The following LRRTM4 variants were observed in gnomAD, a reference collection of about 807,000 sequenced individuals.
LRRTM4 encodes the protein leucine rich repeat transmembrane neuronal 4.
LRRTM4 carries 25 observed loss-of-function variants against 47.6 expected under a neutral mutation model. That is an observed-to-expected ratio of 0.53 (90% CI 0.38 to 0.73). The LOEUF (loss-of-function observed/expected upper bound fraction) is 0.73. Among genes scored for constraint, LRRTM4 ranks in the 30% least tolerant of loss-of-function variants. The pLI, the probability that LRRTM4 is intolerant of heterozygous loss-of-function variation, is 0.00. For missense variants in LRRTM4, 638 were observed against 713.4 expected, an observed-to-expected ratio of 0.89 and a Z score of 1.20; for synonymous variants, 311 against 269.5, an observed-to-expected ratio of 1.15 and a Z score of -1.51.
intron 3 of LRRTM4, among the ~76,000 whole-genome samples, chr2:76,751,629 T>C (rs1434822572): frequency 2.6e-5 from 4 of 152,140 alleles, no homozygotes; most frequent in African/African-American, 4.8e-5. Flanking sequence ...TATTATATCT[T>C]ATTCAATGAG....
At chr2:77,124,189 C>T (rs941134385) in intron 3 of LRRTM4, among the ~76,000 whole-genome samples, 7 of 152,018 alleles carry the variant, frequency 4.6e-5, no homozygotes, top group African/African-American at 1.4e-4. Flanking sequence ...AGTCCTATAT[C>T]TGGAGCAACT....
intron 3 of LRRTM4, among the ~76,000 whole-genome samples, chr2:77,302,389 A>G (rs941885285): frequency 6.6e-6 from 1 of 152,198 alleles, no homozygotes; most frequent in African/African-American, 2.4e-5. Flanking sequence ...CTTATTTTTA[A>G]TCACTGAACA....
At position 77,098,001 on chromosome 2, in the gene LRRTM4, A is replaced by G. The variant is rs140528758; in HGVS notation, c.1552-349085T>C. Among the ~76,000 whole-genome samples the G allele has an allele frequency of 1.9e-3, 282 of 152,154 alleles. 2 individuals carry two copies. The highest frequency in any genetic ancestry group is 6.5e-3 in the African/African-American group (272 of 41,572). ...AAGGCGATAAAATTATAGACCCAATAAAGATTTAAAACTTAATTGGGAAAT... is the reference window on the plus strand; with the variant it reads ...AAGGCGATAAAATTATAGACCCAATGAAGATTTAAAACTTAATTGGGAAAT... On this transcript the variant is annotated intron_variant, in intron 3 of 3. Coordinates refer to ENST00000409884, the MANE Select transcript of LRRTM4 (RefSeq NM_001134745.3).
At chr2:77,398,512 G>A (rs906820446) in intron 3 of LRRTM4, among the ~76,000 whole-genome samples, 2 of 151,830 alleles carry the variant, frequency 1.3e-5, no homozygotes, top group African/African-American at 4.8e-5. Flanking sequence ...TCATATGTAG[G>A]TTTAGGTTGA....
chr2:76,909,266 G>C (rs957586977), intron 3 of LRRTM4, among the ~76,000 whole-genome samples: 4 of 152,156 alleles, frequency 2.6e-5, no homozygotes, highest in Non-Finnish European at 5.9e-5. Flanking sequence ...TCTAATAAAT[G>C]GTGCTGGGAA....
chr2:77,100,029 T>A (rs1670911654), intron 3 of LRRTM4, among the ~76,000 whole-genome samples: 1 of 152,146 alleles, frequency 6.6e-6, no homozygotes. Context: ...AGCTACTGAT[T>A]GATTTTTCTC....
chr2:76,838,819 A>C (rs1671590995), intron 3 of LRRTM4, among the ~76,000 whole-genome samples: 2 of 152,136 alleles, frequency 1.3e-5, no homozygotes, highest in Admixed American at 1.3e-4. Context: ...GAGCTAGATA[A>C]AATCCTGAAT....
At position 77,460,716 on chromosome 2, in the gene LRRTM4, T is replaced by C. The variant is rs796886033; in HGVS notation, c.1551+57602A>G. On this transcript the variant is annotated intron_variant, in intron 3 of 3. Coordinates refer to ENST00000409884, the MANE Select transcript of LRRTM4 (RefSeq NM_001134745.3). ...ATATTTTAAGTATTTGAATTGATAG[T>C]CAGATAATTCATTTTGCATGTCTTA... is the stretch of plus-strand genomic sequence containing the variant. 5.3e-5 allele frequency among the ~76,000 whole-genome samples: 8 copies of C among 152,244 alleles called. 1 individual carries two copies. Among genetic ancestry groups the C allele is most frequent in the African/African-American group, 1.9e-4 (8 of 41,546 alleles).
At chr2:77,305,285 T>C (rs1677242167) in intron 3 of LRRTM4, among the ~76,000 whole-genome samples, 1 of 152,080 alleles carries the variant, frequency 6.6e-6, no homozygotes, top group Admixed American at 6.6e-5. Flanking sequence ...ACAAATCCTA[T>C]ACGCTGTAAT....
At chr2:77,417,260 G>A (rs1218243137) in intron 3 of LRRTM4, among the ~76,000 whole-genome samples, 1 of 152,158 alleles carries the variant, frequency 6.6e-6, no homozygotes, top group East Asian at 1.9e-4. Flanking sequence ...TGGAGAGGAT[G>A]TGGAGAAATA....
At chr2:76,965,361 G>A (rs1446909543) in intron 3 of LRRTM4, among the ~76,000 whole-genome samples, 1 of 151,206 alleles carries the variant, frequency 6.6e-6, no homozygotes, top group East Asian at 1.9e-4. Flanking sequence ...CCATCATCAA[G>A]TAGGATTTAT....
intron 3 of LRRTM4, among the ~76,000 whole-genome samples, chr2:77,241,268 A>G (rs920303406): frequency 8.6e-5 from 13 of 151,634 alleles, no homozygotes; most frequent in African/African-American, 3.1e-4. Context: ...ACAAACCTAA[A>G]TATAAATGGT....
At chr2:77,468,235 G>C (rs1488834687) in intron 3 of LRRTM4, among the ~76,000 whole-genome samples, 1 of 151,980 alleles carries the variant, frequency 6.6e-6, no homozygotes, top group Non-Finnish European at 1.5e-5. Context: ...TATATGTTTA[G>C]GTATCACTGA....
chr2:77,390,891 C>T (rs1335898744), intron 3 of LRRTM4, among the ~76,000 whole-genome samples: 1 of 150,746 alleles, frequency 6.6e-6, no homozygotes, highest in Non-Finnish European at 1.5e-5. Flanking sequence ...AAAATGAATG[C>T]AAAGATTGTT....
chr2:77,433,666 T>C (rs1232666513), intron 3 of LRRTM4, among the ~76,000 whole-genome samples: 1 of 152,152 alleles, frequency 6.6e-6, no homozygotes, highest in Non-Finnish European at 1.5e-5. Context: ...TACCACCAAT[T>C]AAGGGAAGCC....
intron 3 of LRRTM4, among the ~76,000 whole-genome samples, chr2:77,039,615 A>G (rs1381313104): frequency 6.6e-6 from 1 of 151,354 alleles, no homozygotes; most frequent in Non-Finnish European, 1.5e-5. Context: ...TTATTTTACA[A>G]TGATGAAAAA....
chr2:76,850,059 T>C (rs1313305272), intron 3 of LRRTM4, among the ~76,000 whole-genome samples: 1 of 152,128 alleles, frequency 6.6e-6, no homozygotes, highest in Admixed American at 6.6e-5. Flanking sequence ...TATTTGACTT[T>C]GAATTTTGAA....
At chr2:77,411,698 C>T (rs1384518600) in intron 3 of LRRTM4, among the ~76,000 whole-genome samples, 3 of 140,972 alleles carry the variant, frequency 2.1e-5, no homozygotes, top group Non-Finnish European at 3.0e-5. Context: ...TCTCGATCTC[C>T]TGACCTCGTG....
chr2:77,416,398 A>T (rs894847157), intron 3 of LRRTM4, among the ~76,000 whole-genome samples: 8 of 152,022 alleles, frequency 5.3e-5, no homozygotes, highest in African/African-American at 1.9e-4. Flanking sequence ...CATCAGTAAA[A>T]TTTTTTCTGA....
Sources: gnomAD v4.1 joint callset for allele counts (sites outside exome capture counted in the v4.1 genomes callset) on GRCh38, gnomAD v4.1.1 for gene constraint, MANE v1.5 for transcripts, NCBI Gene and HGNC (gene_info 2026-07-23, HGNC 2026-07-21) for gene names.